Variants in TDRD3 observed in about 807,000 individuals in gnomAD.
The protein encoded by TDRD3 is tudor domain containing 3.
Under a neutral mutation model 86.7 loss-of-function variants are expected in TDRD3, and 45 were observed. That is an observed-to-expected ratio of 0.52 (90% confidence interval 0.41 to 0.67). TDRD3 has a LOEUF of 0.67. TDRD3 is among the 30% of genes least tolerant of loss of function. The pLI, the probability that TDRD3 is intolerant of heterozygous loss-of-function variation, is 0.00. For synonymous variants in TDRD3, 298 were observed against 301.7 expected, an observed-to-expected ratio of 0.99 and a Z score of 0.13; for missense variants, 814 against 889.0, an observed-to-expected ratio of 0.92 and a Z score of 1.07.
Position 60,397,273 on chromosome 13 carries a change from T to A in TDRD3, c.-92T>A. On this transcript the variant is annotated 5_prime_UTR_variant, in exon 1 of 14. Transcript: ENST00000377881. ...CAGAGGAGTTTTTTCTTTTCTTTTC[T>A]TTTTTTTTTTTTAAGGGGGGGGGTC... 1 of 255,726 alleles carries A rather than the reference T, an allele frequency of 3.9e-6. No homozygotes were observed. Among genetic ancestry groups the A allele is most frequent in the Non-Finnish European group, 6.4e-6 (1 of 155,292 alleles). 15.8% of individuals were successfully genotyped at this position (255,726 alleles called of 1,614,324 possible).
At chr13:60,443,842 C>G (rs1955338801) in intron 2 of TDRD3, among the ~76,000 whole-genome samples, 1 of 151,934 alleles carries the variant, frequency 6.6e-6, no homozygotes, top group Non-Finnish European at 1.5e-5. Context: ...TTATGCTAAT[C>G]TCACTATCTC....
intron 1 of TDRD3, among the ~76,000 whole-genome samples, chr13:60,415,874 A>G (rs539649862): frequency 6.6e-6 from 1 of 152,296 alleles, no homozygotes; most frequent in Admixed American, 6.5e-5. Flanking sequence ...AATTTACGGA[A>G]AAACATTCTT....
chr13:60,528,509 T>A lies in TDRD3; in HGVS notation c.1284T>A (p.Arg428=), dbSNP rs201726739. The change falls in exon 11 of 14, where the codon CGT becomes CGA. Residue 428 remains arginine (R), a synonymous_variant. Transcript: ENST00000377881. ...TRQPRNEKPP[R]FQRDSQNSKS... ...AGCCAAGAAATGAAAAACCGCCTCGTTTTCAAAGAGACTCCCAAAATTCAA... is the reference window on the plus strand; with the variant it reads ...AGCCAAGAAATGAAAAACCGCCTCGATTTCAAAGAGACTCCCAAAATTCAA... 1 of 1,613,932 alleles carries A rather than the reference T, an allele frequency of 6.2e-7. No homozygotes were observed. The highest frequency in any genetic ancestry group is 1.3e-5 in the African/African-American group (1 of 74,992).
At chr13:60,547,101 A>G (rs1957956365) in intron 12 of TDRD3, 1 of 327,496 alleles carries the variant, frequency 3.1e-6, no homozygotes, top group African/African-American at 2.2e-5. Flanking sequence ...GCTTTAAATA[A>G]TTTTCATTAT....
At chr13:60,444,480 C>T (rs1955353314) in intron 2 of TDRD3, among the ~76,000 whole-genome samples, 1 of 151,888 alleles carries the variant, frequency 6.6e-6, no homozygotes, top group Non-Finnish European at 1.5e-5. Context: ...TTATGTGTTA[C>T]TGTTCATCTT....
intron 1 of TDRD3, among the ~76,000 whole-genome samples, chr13:60,408,608 G>T (rs1954288525): frequency 6.6e-6 from 1 of 152,182 alleles, no homozygotes; most frequent in Admixed American, 6.5e-5. Flanking sequence ...GCAACATTTT[G>T]CCCCTGCCCT....
intron 1 of TDRD3, among the ~76,000 whole-genome samples, chr13:60,407,674 C>T (rs1954266576): frequency 6.6e-6 from 1 of 152,144 alleles, no homozygotes; most frequent in African/African-American, 2.4e-5. Context: ...TCTTTAGGGT[C>T]TTTGAAATGT....
chr13:60,441,887 C>A (rs985671721), intron 2 of TDRD3, among the ~76,000 whole-genome samples: 1 of 152,064 alleles, frequency 6.6e-6, no homozygotes, highest in Non-Finnish European at 1.5e-5. Context: ...CGCAAAGGTA[C>A]CAGAATTTCA....
intron 1 of TDRD3, among the ~76,000 whole-genome samples, chr13:60,435,420 C>T (rs958375152): frequency 1.3e-5 from 2 of 152,122 alleles, no homozygotes; most frequent in African/African-American, 4.8e-5. Context: ...CTCACCCTCT[C>T]CAAACCTACC....
intron 8 of TDRD3, among the ~76,000 whole-genome samples, chr13:60,498,612 C>G (rs1956766502): frequency 1.3e-5 from 2 of 152,106 alleles, no homozygotes; most frequent in African/African-American, 4.8e-5. Context: ...TTTGTGGCCC[C>G]TCAATCAATT....
intron 8 of TDRD3, among the ~76,000 whole-genome samples, chr13:60,505,957 T>C (rs932515710): frequency 1.6e-4 from 25 of 152,176 alleles, no homozygotes; most frequent in Admixed American, 7.2e-4. Context: ...GAAAACACAC[T>C]TCAGGATATT....
chr13:60,455,481 C>G (rs1049624130), intron 3 of TDRD3, among the ~76,000 whole-genome samples: 60 of 152,038 alleles, frequency 3.9e-4, no homozygotes, highest in African/African-American at 1.4e-3. Flanking sequence ...AAAAAATGAT[C>G]CCTAGGAAAT....
Position 60,460,417 on chromosome 13 carries a change from G to C in TDRD3, c.230G>C (p.Arg77Pro). The change falls in exon 4 of 14, where the codon CGC (arginine) becomes CCC (proline). Residue 77 changes from arginine (R) to proline (P), a missense_variant. Arg to Pro is a moderately radical substitution (Grantham distance 103). Transcript: ENST00000377881. ...GPCVLQIQKI[R>P]NVAAPKDNEE... ...TGTGTTTTGCAAATTCAAAAAATTC[G>C]CAATGTTGCTGCACCAAAGGATAAT... The C allele has an allele frequency of 6.2e-7, 1 of 1,601,126 alleles. No individual in the cohort carries two copies. The highest frequency in any genetic ancestry group is 8.5e-7 in the Non-Finnish European group (1 of 1,176,720).
At chr13:60,559,759 G>A (rs191580504) in intron 12 of TDRD3, among the ~76,000 whole-genome samples, 1 of 152,250 alleles carries the variant, frequency 6.6e-6, no homozygotes, top group East Asian at 1.9e-4. Flanking sequence ...GGAGATGTTG[G>A]TCAAAGGTTA....
In TDRD3 at chr13:60,523,573, CTTTTTTTTTTT is replaced by C. The variant is rs67692021; in HGVS notation, c.1142-4783_1142-4773del. Among the ~76,000 whole-genome samples, 307 of 105,038 alleles carry C rather than the reference CTTTTTTTTTTT, an allele frequency of 2.9e-3. 3 individuals carry two copies. The highest frequency in any genetic ancestry group is 0.01 in the African/African-American group (290 of 27,992). The allele number at this position is 105,038 out of a possible 152,430, so 68.9% of individuals were successfully genotyped here. ...TTTGTCTATTTTGCAATACATTTTT[CTTTTTTTTTTT>C]TTTTTTTTTTGAGACAGAGTCTTGC... is the stretch of plus-strand genomic sequence containing the variant. On this transcript the variant is annotated intron_variant, in intron 10 of 13. Transcript: ENST00000377881.
chr13:60,427,325 A>T (rs979635879), intron 1 of TDRD3, among the ~76,000 whole-genome samples: 2 of 151,556 alleles, frequency 1.3e-5, no homozygotes, highest in Non-Finnish European at 2.9e-5. Context: ...TGTAGTGCAT[A>T]TTAATAGTGT....
chr13:60,409,322 G>A (rs530099764), intron 1 of TDRD3, among the ~76,000 whole-genome samples: 14 of 152,294 alleles, frequency 9.2e-5, no homozygotes, highest in African/African-American at 3.1e-4. Context: ...CCCTACTGGG[G>A]CACTGCCTAG....
At chr13:60,402,080 C>CT (rs1954117306) in intron 1 of TDRD3, among the ~76,000 whole-genome samples, 1 of 152,216 alleles carries the variant, frequency 6.6e-6, no homozygotes, top group African/African-American at 2.4e-5. Context: ...GCTGGAATTT[C>CT]TAATTCCTAG....
intron 6 of TDRD3, among the ~76,000 whole-genome samples, chr13:60,484,091 T>C (rs989687327): frequency 5.9e-5 from 9 of 151,838 alleles, no homozygotes; most frequent in South Asian, 2.1e-4. Context: ...GAGTAACTTA[T>C]AACTAATTAA....
Sources: allele counts gnomAD v4.1 joint callset (sites outside exome capture counted in the v4.1 genomes callset), GRCh38; gene constraint gnomAD v4.1.1; transcripts MANE v1.5; gene names NCBI Gene and HGNC (gene_info 2026-07-23, HGNC 2026-07-21).